The following RANBP2 variants were observed in gnomAD, a reference collection of about 807,000 sequenced individuals.
The protein encoded by RANBP2 is E3 SUMO-protein ligase RanBP2.
Under a neutral mutation model 303.6 loss-of-function variants are expected in RANBP2, and 57 were observed. The observed-to-expected ratio is 0.19, with a 90% confidence interval of 0.15 to 0.23. RANBP2 has a LOEUF of 0.23. RANBP2 is among the 10% of genes least tolerant of loss of function. The pLI is 1.00. For missense variants in RANBP2, 3,138 were observed against 3,780.8 expected (o/e 0.83, Z 4.46); for synonymous variants, 1,167 against 1,301.5 (o/e 0.90, Z 2.23).
At chr2:109,030,667 C>T in the RANBP2 span, among the ~76,000 whole-genome samples, 1 of 152,142 alleles carries the variant, frequency 6.6e-6, no homozygotes, top group Non-Finnish European at 1.5e-5. Context: ...CAGCTTGGGG[C>T]CCCTCAGGCA....
At chr2:109,194,636 A>G in the RANBP2 span, among the ~76,000 whole-genome samples, 1 of 152,234 alleles carries the variant, frequency 6.6e-6, no homozygotes, top group East Asian at 1.9e-4. Context: ...TATCTTCTGC[A>G]TATACAGGAA....
chr2:109,410,777 T>A, the RANBP2 span, among the ~76,000 whole-genome samples: 17 of 152,234 alleles, frequency 1.1e-4, no homozygotes, highest in Non-Finnish European at 2.1e-4. Context: ...GTCAGAGCCC[T>A]TTCCTGGGCA....
At chr2:109,142,044 G>GA in the RANBP2 span, among the ~76,000 whole-genome samples, 5 of 43,012 alleles carry the variant, frequency 1.2e-4, no homozygotes, top group African/African-American at 2.0e-4. Flanking sequence ...TGAGTCTCCT[G>GA]GGGGGGGGGT....
chr2:109,682,090 G>C, the RANBP2 span, among the ~76,000 whole-genome samples: 2 of 152,304 alleles, frequency 1.3e-5, no homozygotes, highest in African/African-American at 4.8e-5. Context: ...CTCATGCAAG[G>C]GGATGTTCTT....
chr2:109,312,318 C>T, the RANBP2 span, among the ~76,000 whole-genome samples: 1 of 152,160 alleles, frequency 6.6e-6, no homozygotes, highest in African/African-American at 2.4e-5. Context: ...TTGGCTTGCT[C>T]CTCTTTCTAA....
chr2:109,285,442 G>A, the RANBP2 span, among the ~76,000 whole-genome samples: 2 of 152,238 alleles, frequency 1.3e-5, no homozygotes, highest in African/African-American at 4.8e-5. Flanking sequence ...AGTGCAGTGT[G>A]CCTGCTGTGC....
At chr2:109,012,786 A>C in the RANBP2 span, among the ~76,000 whole-genome samples, 63 of 152,138 alleles carry the variant, frequency 4.1e-4, no homozygotes, top group Middle Eastern at 3.4e-3. Flanking sequence ...TGTTGGCGGG[A>C]GCCTGTAATC....
chr2:109,240,137 G>T, the RANBP2 span, among the ~76,000 whole-genome samples: 1 of 152,184 alleles, frequency 6.6e-6, no homozygotes, highest in Non-Finnish European at 1.5e-5. Flanking sequence ...ACTTGGCACT[G>T]CCCTCTCTTC....
chr2:109,494,665 G>T, the RANBP2 span, among the ~76,000 whole-genome samples: 2 of 152,194 alleles, frequency 1.3e-5, no homozygotes, highest in Non-Finnish European at 2.9e-5. Flanking sequence ...GGCCTCAGGT[G>T]TGCAAGGCCC....
the RANBP2 span, among the ~76,000 whole-genome samples, chr2:109,458,363 A>G: frequency 6.6e-6 from 1 of 152,170 alleles, no homozygotes; most frequent in Non-Finnish European, 1.5e-5. Context: ...GACCAGCAGA[A>G]ATGGCTAGAT....
chr2:109,506,774 T>C, the RANBP2 span, among the ~76,000 whole-genome samples: 2 of 152,188 alleles, frequency 1.3e-5, no homozygotes, highest in African/African-American at 2.4e-5. Context: ...GTAGCAGAAA[T>C]ACTAAAATGA....
intron 24 of RANBP2, 98 bp downstream of exon 24, chr2:108,776,034 A>G (rs1677870443): frequency 1.9e-6 from 2 of 1,061,050 alleles, no homozygotes; most frequent in Non-Finnish European, 2.8e-6. Flanking sequence ...TCCCTTTAAA[A>G]CACATTTTGA....
chr2:109,316,015 C>CT, the RANBP2 span, among the ~76,000 whole-genome samples: 1 of 152,104 alleles, frequency 6.6e-6, no homozygotes, highest in South Asian at 2.1e-4. Context: ...GCATCAGGGG[C>CT]TTTTTTCACC....
At chr2:109,203,411 C>T in the RANBP2 span, among the ~76,000 whole-genome samples, 2,282 of 152,294 alleles carry the variant, frequency 0.015, 34 homozygotes, top group Non-Finnish European at 0.024. Context: ...TCCCTACGAG[C>T]GCATCACCTG....
chr2:109,413,015 C>T, the RANBP2 span, among the ~76,000 whole-genome samples: 1 of 152,252 alleles, frequency 6.6e-6, no homozygotes, highest in Non-Finnish European at 1.5e-5. Flanking sequence ...GCCAGCCCCA[C>T]ACCCTGGAAC....
At chr2:108,885,446 A>G in the RANBP2 span, 13 of 152,232 alleles carry the variant, frequency 8.5e-5, no homozygotes, top group Non-Finnish European at 4.4e-5. Context: ...TCTCACTTTA[A>G]TGAAAAGTTA....
chr2:109,647,763 C>T, the RANBP2 span, among the ~76,000 whole-genome samples: 6 of 152,326 alleles, frequency 3.9e-5, no homozygotes, highest in African/African-American at 1.4e-4. Context: ...AGCCACCCCG[C>T]CCGGCTCGGC....
At chr2:109,468,291 G>A in the RANBP2 span, among the ~76,000 whole-genome samples, 1 of 152,294 alleles carries the variant, frequency 6.6e-6, no homozygotes, top group East Asian at 1.9e-4. Flanking sequence ...TAACACAGCG[G>A]CAAGTACCGT....
rs1257778561 is a variant in RANBP2 at position 108,781,302 on chromosome 2, C to T, written c.8633C>T (p.Ala2878Val). The change falls in exon 26 of 29, where the codon GCT becomes GTT. Residue 2878 changes from alanine (A) to valine (V), a missense_variant. By Grantham distance (64) the Ala-to-Val change is moderately conservative. This residue lies in a region of RANBP2 where 497 missense variants were observed against 465.8 expected (regional missense o/e 1.07). Transcript: ENST00000283195. ...TTCCAATGGGCAAATACTGGAGCAGCTGTGTTTGGAACACAGTCAGTCGGA... is the reference window on the plus strand; with the variant it reads ...TTCCAATGGGCAAATACTGGAGCAGTTGTGTTTGGAACACAGTCAGTCGGA... ...KNFQWANTGA[A>V]VFGTQSVGTQ... 1.2e-6 allele frequency: 2 copies of T among 1,613,998 alleles called. No individual in the cohort carries two copies. The highest frequency in any genetic ancestry group is 2.7e-5 in the African/African-American group (2 of 74,896).
Sources: allele counts gnomAD v4.1 joint callset (sites outside exome capture counted in the v4.1 genomes callset), GRCh38; gene constraint gnomAD v4.1.1; regional missense constraint gnomAD v4.1.1; transcripts MANE v1.5; gene names NCBI Gene and HGNC (gene_info 2026-07-23, HGNC 2026-07-21).